The following CFAP46 variants were observed in gnomAD, a reference collection of about 807,000 sequenced individuals.
CFAP46 encodes the protein cilia- and flagella-associated protein 46.
In CFAP46, 245 loss-of-function variants were observed where a neutral mutation model predicts 325.7. The ratio of observed to expected loss-of-function variants is 0.75; its 90% CI spans 0.68 to 0.84. CFAP46 has a LOEUF of 0.84. Among genes scored for constraint, CFAP46 ranks in the 40% least tolerant of loss-of-function variants. The pLI, the probability that CFAP46 is intolerant of heterozygous loss-of-function variation, is 0.00. For synonymous variants in CFAP46, 1,523 were observed against 1,495.9 expected (o/e 1.02, Z -0.42); for missense variants, 3,346 against 3,543.0 (o/e 0.94, Z 1.41).
At position 132,828,162 on chromosome 10, in the gene CFAP46, C is replaced by T. The variant is rs1310253603; in HGVS notation, c.7117+5196G>A. 6.6e-6 allele frequency among the ~76,000 whole-genome samples: 1 copy of T among 152,256 alleles called. No individual in the cohort carries two copies. Among genetic ancestry groups the T allele is most frequent in the Non-Finnish European group, 1.5e-5 (1 of 68,050 alleles). ...GTTTAGGTCATTGCAGATAACGCTG[C>T]TGTAAACATGTGTATGAGTTTCTGC... On this transcript the variant is annotated intron_variant, in intron 50 of 57. Coordinates refer to ENST00000368586, the MANE Select transcript of CFAP46 (RefSeq NM_001200049.3). This position sits in a 1 kb window ranked among gnomAD's most constrained non-coding sequence, Gnocchi z 4.9.
rs1036569159 is a variant in CFAP46, at chr10:132,828,068, A to G, written c.7117+5290T>C. ...GACCCCACCACGTGGCCGCACCCCA[A>G]TGTGCTCATCGCCCACTGGGTGTCC... On this transcript the variant is annotated intron_variant, in intron 50 of 57. Transcript: ENST00000368586. The surrounding 1 kb of genome is among the most constrained non-coding windows in gnomAD (Gnocchi z 4.9). Among the ~76,000 whole-genome samples, 1 of 152,202 alleles carries G rather than the reference A, an allele frequency of 6.6e-6. No homozygotes were observed. The highest frequency in any genetic ancestry group is 2.4e-5 in the African/African-American group (1 of 41,450).
intron 35 of CFAP46, among the ~76,000 whole-genome samples, chr10:132,865,143 G>A (rs1848795044): frequency 1.3e-5 from 2 of 152,218 alleles, no homozygotes; most frequent in South Asian, 4.1e-4. Flanking sequence ...CCCTCCCAGT[G>A]AAAGCAACTC....
At chr10:132,914,061 G>C (rs867863019) in intron 17 of CFAP46, among the ~76,000 whole-genome samples, 76 of 143,478 alleles carry the variant, frequency 5.3e-4, no homozygotes, top group African/African-American at 1.6e-3. Context: ...CTGCACCCCG[G>C]CCCGAGGCTG....
intron 17 of CFAP46, 94 bp from the exon 18 acceptor site, chr10:132,913,352 GCAGGGCAAGAAGT>G: frequency 1.5e-6 from 1 of 669,936 alleles, no homozygotes; most frequent in East Asian, 3.5e-5. Context: ...GAACCAGGCT[GCAGGGCAAGAAGT>G]GGGAGGGGCG....
intron 44 of CFAP46, among the ~76,000 whole-genome samples, chr10:132,842,148 C>T (rs747664913): frequency 1.1e-4 from 16 of 152,192 alleles, no homozygotes; most frequent in South Asian, 2.1e-4. Flanking sequence ...TTTGCAGCTC[C>T]GTGTAGTGGT....
intron 11 of CFAP46, among the ~76,000 whole-genome samples, chr10:132,924,442 T>C (rs527405331): frequency 1.8e-4 from 28 of 152,200 alleles, no homozygotes; most frequent in African/African-American, 6.5e-4. Flanking sequence ...GCCCCTTCCA[T>C]GGAGGCTCGA....
rs201865768 is a variant in CFAP46, at chr10:132,938,605, G to A, written c.520C>T (p.Arg174Cys). Residue 174 changes from arginine to cysteine, a missense_variant, in exon 5 of 58, where the codon CGT becomes TGT. Transcript: ENST00000368586. ...SQTEEEDKEW[R>C]AELMLELLEC... The stretch of plus-strand genomic sequence containing the variant: ...TCAACTCACAGCATCAGCTCAGCAC[G>A]CCACTCCTTGTCTTCCTCCTCAGTC... 7.0e-5 allele frequency: 113 copies of A among 1,613,222 alleles called. No individual in the cohort carries two copies. The highest frequency in any genetic ancestry group is 4.8e-5 in the Non-Finnish European group (57 of 1,179,932).
chr10:132,818,025 T>C (rs1847727067), intron 50 of CFAP46, among the ~76,000 whole-genome samples: 1 of 152,138 alleles, frequency 6.6e-6, no homozygotes, highest in African/African-American at 2.4e-5. Context: ...CCCACCCAGA[T>C]CCCCAGGATC....
intron 17 of CFAP46, among the ~76,000 whole-genome samples, chr10:132,915,612 T>C (rs541707328): frequency 1.0e-3 from 151 of 151,706 alleles, no homozygotes; most frequent in African/African-American, 3.5e-3. Context: ...GTGCCCAGCT[T>C]CTGCCCCGAG....
rs895727540 is a variant in CFAP46 at position 132,847,264 on chromosome 10, C to T, written c.6010G>A (p.Ala2004Thr). 1.2e-6 allele frequency: 2 copies of T among 1,613,484 alleles called. No homozygotes were observed. Among genetic ancestry groups the T allele is most frequent in the East Asian group, 4.5e-5 (2 of 44,844 alleles). The part of the protein sequence containing the change: ...SLELEVEEEG[A>T]TKSSRDPPAS... Reference sequence around the variant, plus strand: ...GGCGGGTCCCTGCTGGACTTTGTGGCACCCTCTTCCTCTACCTCCAGCTCC... The same window carrying T: ...GGCGGGTCCCTGCTGGACTTTGTGGTACCCTCTTCCTCTACCTCCAGCTCC... The change falls in exon 42 of 58, where the codon GCC becomes ACC. Residue 2004 changes from alanine (A) to threonine (T), a missense_variant. Ala to Thr is a moderately conservative substitution (Grantham distance 58). Transcript: ENST00000368586. The surrounding 1 kb of genome is among the most constrained non-coding windows in gnomAD (Gnocchi z 5.2).
chr10:132,840,584 T>C (rs547583036), intron 44 of CFAP46, among the ~76,000 whole-genome samples: 5 of 152,358 alleles, frequency 3.3e-5, no homozygotes, highest in Admixed American at 1.3e-4. Context: ...TGTAACCCGT[T>C]TGAGCTAAGT....
rs147204951 is a variant in CFAP46, at chr10:132,827,531, C to T, written c.7117+5827G>A. Among the ~76,000 whole-genome samples, 613 of 152,068 alleles carry T rather than the reference C, an allele frequency of 4.0e-3. 2 individuals carry two copies. The highest frequency in any genetic ancestry group is 0.014 in the African/African-American group (582 of 41,504). ...TTCCACTCACAAGCAGGAGACTCCA[C>T]GAGGCCTTGGGGTCACAGGAAGGCT... On this transcript the variant is annotated intron_variant, in intron 50 of 57. Coordinates refer to ENST00000368586, the MANE Select transcript of CFAP46 (RefSeq NM_001200049.3). This position sits in a 1 kb window ranked among gnomAD's most constrained non-coding sequence, Gnocchi z 5.7.
At chr10:132,838,194 G>A (rs1030959662) in intron 44 of CFAP46, among the ~76,000 whole-genome samples, 1 of 152,234 alleles carries the variant, frequency 6.6e-6, no homozygotes, top group East Asian at 1.9e-4. Flanking sequence ...CACCACCAGC[G>A]GCAGGCGGCC....
At chr10:132,836,544 C>A (rs542479714) in intron 45 of CFAP46, among the ~76,000 whole-genome samples, 81 of 152,376 alleles carry the variant, frequency 5.3e-4, no homozygotes, top group African/African-American at 1.9e-3. Context: ...TCCACCATAA[C>A]AGTGACCTTC....
rs111614014 is a variant in CFAP46 at position 132,878,756 on chromosome 10, C to T, written c.4006-669G>A. Among the ~76,000 whole-genome samples, 308 of 152,332 alleles carry T rather than the reference C, an allele frequency of 2.0e-3. 2 individuals are homozygous for T. The highest frequency in any genetic ancestry group is 6.8e-3 in the African/African-American group (284 of 41,588). On this transcript the variant is annotated intron_variant, in intron 29 of 57. Transcript: ENST00000368586. ...CTCCCTGCCTTTCCTGCTCTGCCCACGGCTGGGCGGTGGCCCTCTTGATCC... is the reference window on the plus strand; with the variant it reads ...CTCCCTGCCTTTCCTGCTCTGCCCATGGCTGGGCGGTGGCCCTCTTGATCC...
intron 41 of CFAP46, among the ~76,000 whole-genome samples, chr10:132,849,635 C>T (rs1162208794): frequency 6.6e-6 from 1 of 152,090 alleles, no homozygotes; most frequent in Non-Finnish European, 1.5e-5. Context: ...AGCTGGGCAG[C>T]CTTGCAGCCT....
At chr10:132,892,520 A>C in intron 24 of CFAP46, 103 bp from the exon 25 acceptor site, 1 of 1,051,836 alleles carries the variant, frequency 9.5e-7, no homozygotes, top group Non-Finnish European at 1.4e-6. Flanking sequence ...TCCTCTCCTT[A>C]AACTGCTTGC....
chr10:132,867,534 C>G, intron 33 of CFAP46, 27 bp from the exon 34 acceptor site: 1 of 1,545,438 alleles, frequency 6.5e-7, no homozygotes, highest in Non-Finnish European at 8.7e-7. Flanking sequence ...AGACAATACG[C>G]AAGAGCCACA....
chr10:132,942,393 C>T (rs1850121184), intron 1 of CFAP46, 43 bp downstream of exon 1: 1 of 1,354,728 alleles, frequency 7.4e-7, no homozygotes, highest in Non-Finnish European at 9.4e-7. Context: ...TGGCGGGTCC[C>T]GGGGCCTCCC....
Sources: gnomAD v4.1 joint callset for allele counts (sites outside exome capture counted in the v4.1 genomes callset) on GRCh38, gnomAD v4.1.1 for gene constraint, Gnocchi (gnomAD v3.1) non-coding constraint, MANE v1.5 for transcripts, NCBI Gene and HGNC (gene_info 2026-07-23, HGNC 2026-07-21) for gene names.